Variants in RNF38 observed in about 807,000 individuals in gnomAD.
RNF38 encodes E3 ubiquitin-protein ligase RNF38.
In RNF38, 15 loss-of-function variants were observed where a neutral mutation model predicts 67.2. The ratio of observed to expected loss-of-function variants is 0.22; its 90% CI spans 0.15 to 0.34. The LOEUF (loss-of-function observed/expected upper bound fraction) is 0.34, where lower values mean the gene tolerates loss of function less well. Ranked by LOEUF, RNF38 falls within the 10% of genes least tolerant of loss-of-function variation. The pLI is 1.00. For synonymous variants in RNF38, 220 were observed against 218.8 expected (o/e 1.01, Z -0.05); for missense variants, 524 against 639.9 (o/e 0.82, Z 1.95).
At chr9:36,418,395 G>A (rs1838529669) in intron 2 of RNF38, among the ~76,000 whole-genome samples, 1 of 151,992 alleles carries the variant, frequency 6.6e-6, no homozygotes, top group South Asian at 2.1e-4. Context: ...ATTCATGCCT[G>A]TAATCCCGGC....
intron 1 of RNF38, among the ~76,000 whole-genome samples, chr9:36,393,605 G>A (rs923210896): frequency 2.0e-5 from 3 of 151,114 alleles, no homozygotes; most frequent in African/African-American, 4.9e-5. Context: ...CATGTGCGCA[G>A]GCAGGGCTGT....
intron 1 of RNF38, among the ~76,000 whole-genome samples, chr9:36,476,805 G>A (rs1199068559): frequency 1.3e-5 from 2 of 152,066 alleles, no homozygotes; most frequent in African/African-American, 4.8e-5. Flanking sequence ...TGGGATTATA[G>A]CTGTTTCCTA....
At chr9:36,374,576 G>A (rs530569437) in intron 3 of RNF38, among the ~76,000 whole-genome samples, 25 of 152,262 alleles carry the variant, frequency 1.6e-4, no homozygotes, top group Admixed American at 1.4e-3. Context: ...CTGGGTTCAA[G>A]CAATTCCCCT....
At chr9:36,437,725 G>T (rs1186890043) in intron 1 of RNF38, among the ~76,000 whole-genome samples, 1 of 152,108 alleles carries the variant, frequency 6.6e-6, no homozygotes, top group Non-Finnish European at 1.5e-5. Context: ...TAACCCTAAA[G>T]TAACTTGTCA....
rs556699771 is a variant in RNF38 at position 36,393,512 on chromosome 9, TGTGTGTGTGTGG to T, written c.13-2908_13-2897del. Reference sequence around the variant, plus strand: ...GTGTGTGTGTGTGTGTGTGTGTGTGTGTGTGTGTGTGGGGCAGGCAGTCCCATACATAGGTTG... The same window carrying T: ...GTGTGTGTGTGTGTGTGTGTGTGTGTGGCAGGCAGTCCCATACATAGGTTG... On this transcript the variant is annotated intron_variant, in intron 1 of 11. Coordinates refer to ENST00000259605, the MANE Select transcript of RNF38 (RefSeq NM_022781.5). Among the ~76,000 whole-genome samples the T allele has an allele frequency of 6.7e-3, 993 of 148,000 alleles. 10 individuals are homozygous for T. Among genetic ancestry groups the T allele is most frequent in the African/African-American group, 0.018 (727 of 39,628 alleles).
At chr9:36,372,511 C>A in intron 3 of RNF38, 2 of 711,840 alleles carry the variant, frequency 2.8e-6, no homozygotes, top group Non-Finnish European at 5.2e-6. Flanking sequence ...TAACTGAAAT[C>A]CTGCTAGATT....
At chr9:36,409,359 A>C (rs1838266065) in intron 2 of RNF38, among the ~76,000 whole-genome samples, 1 of 152,170 alleles carries the variant, frequency 6.6e-6, no homozygotes, top group African/African-American at 2.4e-5. Context: ...AAAAGAAAGA[A>C]GGCAGGCGGG....
chr9:36,357,507 T>C (rs1184236777), intron 5 of RNF38, among the ~76,000 whole-genome samples: 1 of 152,180 alleles, frequency 6.6e-6, no homozygotes, highest in East Asian at 1.9e-4. Context: ...TCCAAATATA[T>C]GTATAAGTTA....
intron 2 of RNF38, among the ~76,000 whole-genome samples, chr9:36,420,547 A>AAAAAAAAAAAAAG: frequency 6.6e-6 from 1 of 150,402 alleles, no homozygotes; most frequent in Non-Finnish European, 1.5e-5. Flanking sequence ...AAAAAAAAAA[A>AAAAAAAAAAAAAG]GAGGACAACC....
At chr9:36,485,126 G>A (rs1192765534) in intron 1 of RNF38, among the ~76,000 whole-genome samples, 5 of 152,280 alleles carry the variant, frequency 3.3e-5, no homozygotes, top group Non-Finnish European at 1.5e-5. Flanking sequence ...GCGAGATCAC[G>A]CCACTGCACT....
chr9:36,364,269 T>C (rs901632886), intron 4 of RNF38, among the ~76,000 whole-genome samples: 9 of 152,150 alleles, frequency 5.9e-5, no homozygotes, highest in African/African-American at 2.2e-4. Context: ...CTTAATGTAT[T>C]TTATGATTTT....
chr9:36,434,849 TAC>T (rs1839025458), intron 1 of RNF38, among the ~76,000 whole-genome samples: 1 of 152,230 alleles, frequency 6.6e-6, no homozygotes, highest in South Asian at 2.1e-4. Context: ...CCTTGCCTTA[TAC>T]ATTATATCCC....
intron 2 of RNF38, among the ~76,000 whole-genome samples, chr9:36,424,311 G>A (rs1055508164): frequency 2.6e-5 from 4 of 152,170 alleles, no homozygotes; most frequent in Non-Finnish European, 5.9e-5. Context: ...ACACATGTTC[G>A]TATATTAAGA....
upstream of RNF38, chr9:36,401,347 T>G: frequency 2.5e-6 from 1 of 393,674 alleles, no homozygotes; most frequent in Non-Finnish European, 3.3e-6. Context: ...CCTGTTCCAA[T>G]TCCTATAGAT....
At chr9:36,458,362 G>A (rs575172529) in intron 1 of RNF38, among the ~76,000 whole-genome samples, 22 of 152,250 alleles carry the variant, frequency 1.4e-4, no homozygotes, top group Non-Finnish European at 2.9e-4. Flanking sequence ...CTGGCCACCC[G>A]AGCCAGCAGC....
At chr9:36,393,473 CACA>C (rs1316629298) in intron 1 of RNF38, among the ~76,000 whole-genome samples, 14 of 75,866 alleles carry the variant, frequency 1.8e-4, no homozygotes, top group Non-Finnish European at 3.9e-4. Flanking sequence ...ATCACACACA[CACA>C]TTGTGTGTGT....
intron 1 of RNF38, among the ~76,000 whole-genome samples, chr9:36,485,493 T>C (rs1322968828): frequency 6.6e-6 from 1 of 152,222 alleles, no homozygotes; most frequent in Non-Finnish European, 1.5e-5. Flanking sequence ...CACTACATTT[T>C]TGCCAACCTG....
chr9:36,449,189 T>C (rs781447681), intron 1 of RNF38, among the ~76,000 whole-genome samples: 7 of 152,174 alleles, frequency 4.6e-5, no homozygotes, highest in Non-Finnish European at 7.4e-5. Context: ...TTTAAAACAT[T>C]TGGGAGGCTT....
intron 4 of RNF38, among the ~76,000 whole-genome samples, chr9:36,369,030 A>C (rs1177821346): frequency 6.6e-6 from 1 of 152,142 alleles, no homozygotes; most frequent in Non-Finnish European, 1.5e-5. Flanking sequence ...GAAACATTGT[A>C]GGCTTGTACC....
Sources: allele counts gnomAD v4.1 joint callset (sites outside exome capture counted in the v4.1 genomes callset), GRCh38; gene constraint gnomAD v4.1.1; transcripts MANE v1.5; gene names NCBI Gene and HGNC (gene_info 2026-07-23, HGNC 2026-07-21).